TMEM219: variants seen among roughly 807,000 people sequenced by gnomAD.
TMEM219 encodes the protein transmembrane protein 219.
A neutral mutation model predicts 17.9 loss-of-function variants in TMEM219; 18 were observed. The ratio of observed to expected loss-of-function variants is 1.01; its 90% CI spans 0.70 to 1.49. The LOEUF is 1.49. Ranked by LOEUF, TMEM219 falls within the 40% of genes most tolerant of loss-of-function variation. The probability of loss-of-function intolerance (pLI) is 0.00; values close to 1 mark genes in which losing one functional copy is unlikely to be tolerated. For missense variants in TMEM219, 288 were observed against 292.4 expected (o/e 0.99, Z 0.11); for synonymous variants, 113 against 124.0 (o/e 0.91, Z 0.59).
intron 3 of TMEM219, among the ~76,000 whole-genome samples, 173 bp from the exon 4 acceptor site, chr16:29,967,852 G>A (rs946669089): frequency 2.0e-5 from 3 of 151,872 alleles, no homozygotes; most frequent in South Asian, 2.1e-4. Context: ...GTGTGAACCC[G>A]GGAGGCGGAG....
intron 3 of TMEM219, among the ~76,000 whole-genome samples, chr16:29,966,411 C>A (rs540461671): frequency 6.6e-6 from 1 of 151,994 alleles, no homozygotes; most frequent in Non-Finnish European, 1.5e-5. Context: ...ACTTATCTTT[C>A]ATTGCATAGA....
chr16:29,965,083 G>A (rs1009543852), intron 3 of TMEM219, among the ~76,000 whole-genome samples: 1 of 152,138 alleles, frequency 6.6e-6, no homozygotes, highest in South Asian at 2.1e-4. Flanking sequence ...AATGACAAGC[G>A]ATAGGGAGAA....
Position 29,963,582 on chromosome 16 carries a change from A to G in TMEM219, c.348A>G (p.Gly116=). ...FQATVLGSQM[G]LKGSSAGQLV... Reference sequence around the variant, plus strand: ...CCACAGTCCTGGGAAGTCAGATGGGATTGAAAGGTGAGATCAGAGGCTGGG... The same window carrying G: ...CCACAGTCCTGGGAAGTCAGATGGGGTTGAAAGGTGAGATCAGAGGCTGGG... Residue 116 remains glycine (G), a synonymous_variant, in exon 3 of 6, where the codon GGA becomes GGG. Transcript: ENST00000279396. The G allele has an allele frequency of 6.2e-7, 1 of 1,613,654 alleles. No individual in the cohort carries two copies. Among genetic ancestry groups the G allele is most frequent in the Non-Finnish European group, 8.5e-7 (1 of 1,179,800 alleles).
At position 29,971,409 on chromosome 16, in the gene TMEM219, A is replaced by T. The variant is rs1364902196; in HGVS notation, c.587A>T (p.Glu196Val). 2 of 1,613,884 alleles carry T rather than the reference A, an allele frequency of 1.2e-6. No individual in the cohort carries two copies. The highest frequency in any genetic ancestry group is 1.7e-6 in the Non-Finnish European group (2 of 1,179,988). ...TCCTCTCCCTGTACCCCTCCCTAGG[A>T]GGAGCTGGCTCTGTGTGGCTCCAGG... ...GLVLTKLLTSEELALCGSRLL... is the reference protein window; with the variant it reads ...GLVLTKLLTSVELALCGSRLL... Residue 196 changes from glutamate to valine, a missense_variant and splice_region_variant, in exon 5 of 6, where the codon GAG becomes GTG. Glu to Val is a moderately radical substitution (Grantham distance 121). Transcript: ENST00000279396.
At position 29,963,106 on chromosome 16, in the gene TMEM219, G is replaced by T; in HGVS notation, c.-37-1G>T. 6.2e-7 allele frequency: 1 copy of T among 1,601,440 alleles called. No individual in the cohort carries two copies. ...TCCCATTCTCCCTCCCTGTCTTCCA[G>T]CAGGCTCTCCCCGGAGGCTCAGCCC... On this transcript the variant is annotated splice_acceptor_variant, in intron 1 of 5. Coordinates refer to ENST00000279396, the MANE Select transcript of TMEM219 (RefSeq NM_001083613.2). LOFTEE classifies it low-confidence loss of function (5UTR_SPLICE).
chr16:29,965,723 C>T (rs531104858), intron 3 of TMEM219, among the ~76,000 whole-genome samples: 3 of 151,952 alleles, frequency 2.0e-5, no homozygotes, highest in South Asian at 4.2e-4. Flanking sequence ...TACAGGTGCT[C>T]GCCATCACGC....
intron 3 of TMEM219, 75 bp from the exon 4 acceptor site, chr16:29,967,950 G>A: frequency 9.0e-7 from 1 of 1,107,466 alleles, no homozygotes; most frequent in Non-Finnish European, 1.3e-6. Context: ...GAAAATACAA[G>A]AAAAGAAGCG....
chr16:29,963,689 C>G (rs2150859960), intron 3 of TMEM219, 100 bp downstream of exon 3: 1 of 1,100,972 alleles, frequency 9.1e-7, no homozygotes, highest in East Asian at 2.6e-5. Flanking sequence ...TCAAGACCAG[C>G]CTGGCCAACA....
chr16:29,968,354 AG>A, intron 4 of TMEM219, 100 bp downstream of exon 4: 1 of 980,372 alleles, frequency 1.0e-6, no homozygotes, highest in Non-Finnish European at 1.5e-6. Context: ...GAAAAAGCAC[AG>A]GTTTTATAAC....
At chr16:29,971,361 A>T in intron 4 of TMEM219, 47 bp from the exon 5 acceptor site, 1 of 1,611,732 alleles carries the variant, frequency 6.2e-7, no homozygotes, top group Non-Finnish European at 8.5e-7. Flanking sequence ...TAGCCCTTGG[A>T]CTGGATTAAC....
chr16:29,964,296 C>T (rs576257952), intron 3 of TMEM219, among the ~76,000 whole-genome samples: 1 of 151,850 alleles, frequency 6.6e-6, no homozygotes, highest in African/African-American at 2.4e-5. Context: ...GCACTCCATC[C>T]TGGGCAACAG....
intron 4 of TMEM219, among the ~76,000 whole-genome samples, chr16:29,970,469 C>T (rs1048195712): frequency 2.6e-5 from 4 of 151,616 alleles, no homozygotes; most frequent in Admixed American, 6.6e-5. Flanking sequence ...GGACTACAGG[C>T]GCCCGCCACC....
chr16:29,966,642 C>G (rs1420928091), intron 3 of TMEM219, among the ~76,000 whole-genome samples: 2 of 151,944 alleles, frequency 1.3e-5, no homozygotes, highest in African/African-American at 4.8e-5. Flanking sequence ...TGATGAAACC[C>G]CGTCTCTACT....
intron 4 of TMEM219, among the ~76,000 whole-genome samples, chr16:29,970,357 C>T (rs1428767148): frequency 7.0e-6 from 1 of 141,954 alleles, no homozygotes. Context: ...TGGAGTCTTG[C>T]TCTATCGCCC....
chr16:29,968,259 G>A lies in TMEM219; in HGVS notation c.585+5G>A. ...CTGACCAAGCTGCTCACCTCGGTAAGAGCCTCAGATGGGTCGCCAGGGTTT... is the reference window on the plus strand; with the variant it reads ...CTGACCAAGCTGCTCACCTCGGTAAAAGCCTCAGATGGGTCGCCAGGGTTT... On this transcript the variant is annotated splice_donor_5th_base_variant and intron_variant, in intron 4 of 5. Transcript: ENST00000279396. The A allele has an allele frequency of 6.2e-7, 1 of 1,610,302 alleles. No homozygotes were observed. The highest frequency in any genetic ancestry group is 8.5e-7 in the Non-Finnish European group (1 of 1,176,896).
Position 29,963,289 on chromosome 16 carries a change from G to A in TMEM219, c.146G>A (p.Arg49His), listed in dbSNP as rs201972818. Reference sequence around the variant, plus strand: ...CTCCTCACCCACAGGACTGGCCTGCGCAGCCCTGACATCCCCCAGGTAAGT... The same window carrying A: ...CTCCTCACCCACAGGACTGGCCTGCACAGCCCTGACATCCCCCAGGTAAGT... ...SFLLTHRTGLRSPDIPQDWVS... is the reference protein window; with the variant it reads ...SFLLTHRTGLHSPDIPQDWVS... The change falls in exon 2 of 6, where the codon CGC (arginine) becomes CAC (histidine). Residue 49 changes from arginine (R) to histidine (H), a missense_variant. By Grantham distance (29) the Arg-to-His change is conservative. Coordinates refer to ENST00000279396, the MANE Select transcript of TMEM219 (RefSeq NM_001083613.2). The A allele has an allele frequency of 3.9e-5, 63 of 1,613,972 alleles. No homozygotes were observed. In the African/African-American group the frequency reaches 6.1e-4, roughly 16 times the overall value.
intron 4 of TMEM219, 29 bp from the exon 5 acceptor site, chr16:29,971,379 C>T (rs760569706): frequency 1.2e-6 from 2 of 1,613,742 alleles, no homozygotes; most frequent in Non-Finnish European, 1.7e-6. Context: ...AACATGTCCT[C>T]CTCCTCCTCT....
intron 4 of TMEM219, among the ~76,000 whole-genome samples, chr16:29,969,516 A>C (rs1046621679): frequency 6.8e-6 from 1 of 147,302 alleles, no homozygotes; most frequent in Non-Finnish European, 1.5e-5. Flanking sequence ...TAAAAAAAAC[A>C]TTTTTTTTTT....
rs747359318 is a variant in TMEM219 at position 29,968,239 on chromosome 16, C to A, written c.570C>A (p.Thr190=). ...SVWSHEGLVL[T]KLLTSEELAL... ...GGAGCCATGAAGGCCTTGTGCTGAC[C>A]AAGCTGCTCACCTCGGTAAGAGCCT... is the stretch of plus-strand genomic sequence containing the variant. Residue 190 remains threonine (T), a synonymous_variant, in exon 4 of 6, where the codon ACC becomes ACA. Coordinates refer to ENST00000279396, the MANE Select transcript of TMEM219 (RefSeq NM_001083613.2). 1 of 1,613,164 alleles carries A rather than the reference C, an allele frequency of 6.2e-7. No individual in the cohort carries two copies. Among genetic ancestry groups the A allele is most frequent in the Admixed American group, 1.7e-5 (1 of 60,018 alleles).
Sources: allele counts gnomAD v4.1 joint callset (sites outside exome capture counted in the v4.1 genomes callset), GRCh38; gene constraint gnomAD v4.1.1; transcripts MANE v1.5; gene names NCBI Gene and HGNC (gene_info 2026-07-23, HGNC 2026-07-21).